Variants in LRRC37A2 observed in about 807,000 individuals in gnomAD.
The protein encoded by LRRC37A2 is leucine-rich repeat-containing protein 37A2.
A neutral mutation model predicts 68.8 loss-of-function variants in LRRC37A2; 9 were observed. That is an observed-to-expected ratio of 0.13 (90% CI 0.08 to 0.23). The LOEUF (loss-of-function observed/expected upper bound fraction) is 0.23. Ranked by LOEUF, LRRC37A2 falls within the 10% of genes least tolerant of loss-of-function variation. LRRC37A2 has a pLI of 1.00. For missense variants in LRRC37A2, 168 were observed against 950.4 expected (o/e 0.18, Z 10.82); for synonymous variants, 63 against 367.6 (o/e 0.17, Z 9.48).
intron 8 of LRRC37A2, among the ~76,000 whole-genome samples, chr17:46,545,030 T>C (rs1035155807): frequency 1.4e-5 from 2 of 139,298 alleles, no homozygotes. Context: ...TTAAGCATTT[T>C]TGGGAAAAAT....
the LRRC37A2 span, among the ~76,000 whole-genome samples, chr17:46,734,555 A>G: frequency 5.3e-5 from 8 of 152,142 alleles, no homozygotes; most frequent in Non-Finnish European, 1.2e-4. Context: ...GTGTGTATAT[A>G]TACATATCTC....
chr17:46,865,306 TC>T, the LRRC37A2 span, among the ~76,000 whole-genome samples: 1 of 152,200 alleles, frequency 6.6e-6, no homozygotes, highest in Non-Finnish European at 1.5e-5. Flanking sequence ...CCTGATGCCA[TC>T]CCCTGCAGGC....
At chr17:46,476,659 G>T in the LRRC37A2 span, 1 of 464,618 alleles carries the variant, frequency 2.2e-6, no homozygotes, top group African/African-American at 2.2e-5. Flanking sequence ...ACTCCAGCCT[G>T]GGAAACAGAG....
the LRRC37A2 span, chr17:46,934,914 C>G: frequency 8.6e-6 from 8 of 929,372 alleles, no homozygotes; most frequent in East Asian, 2.4e-5. Flanking sequence ...TCCGCTGATT[C>G]TTTCACCAGC....
chr17:46,938,783 A>G, the LRRC37A2 span: 42 of 1,613,490 alleles, frequency 2.6e-5, no homozygotes, highest in Non-Finnish European at 3.6e-5. Context: ...CAGTGGCTGA[A>G]CAGCATTCCC....
At chr17:46,800,521 T>TA in the LRRC37A2 span, among the ~76,000 whole-genome samples, 71,919 of 152,082 alleles carry the variant, frequency 0.47, 17,724 homozygotes, top group Middle Eastern at 0.57. Context: ...GGCTGACTCT[T>TA]ACACTGGGAA....
the LRRC37A2 span, among the ~76,000 whole-genome samples, chr17:46,765,283 C>G: frequency 5.3e-5 from 8 of 152,200 alleles, no homozygotes; most frequent in Admixed American, 5.2e-4. Context: ...GTAACAGATC[C>G]AGGACTTGGG....
chr17:46,907,510 C>A, the LRRC37A2 span, among the ~76,000 whole-genome samples: 1 of 151,512 alleles, frequency 6.6e-6, no homozygotes, highest in Non-Finnish European at 1.5e-5. Context: ...TTGGCATAAA[C>A]AACACTTTGG....
the LRRC37A2 span, among the ~76,000 whole-genome samples, chr17:46,842,014 G>T: frequency 1.3e-5 from 2 of 152,198 alleles, no homozygotes; most frequent in Admixed American, 6.5e-5. Context: ...AAGGCTGGCC[G>T]CGGTGGCGCC....
At chr17:46,923,175 G>T in the LRRC37A2 span, 5 of 1,515,236 alleles carry the variant, frequency 3.3e-6, no homozygotes, top group Non-Finnish European at 4.5e-6. Context: ...CGGAGCCGTG[G>T]CCTGCGGGGC....
the LRRC37A2 span, among the ~76,000 whole-genome samples, chr17:46,872,946 G>A: frequency 6.6e-6 from 1 of 152,270 alleles, no homozygotes; most frequent in East Asian, 1.9e-4. Context: ...ATGAGGGGCA[G>A]TTGAAGGCCA....
At chr17:47,008,463 A>ATT in the LRRC37A2 span, among the ~76,000 whole-genome samples, 338 of 134,330 alleles carry the variant, frequency 2.5e-3, 2 homozygotes, top group African/African-American at 5.3e-3. Context: ...ATAGATACTT[A>ATT]TTTTTTTTTT....
the LRRC37A2 span, among the ~76,000 whole-genome samples, chr17:46,971,385 A>G: frequency 6.6e-6 from 1 of 151,696 alleles, no homozygotes; most frequent in South Asian, 2.1e-4. Flanking sequence ...ATAAGGACAC[A>G]CTCCATGGCT....
chr17:46,749,950 A>G, the LRRC37A2 span: 1 of 1,596,366 alleles, frequency 6.3e-7, no homozygotes, highest in South Asian at 1.1e-5. Flanking sequence ...ATAAGAAAGG[A>G]ATTGAGGCTG....
the LRRC37A2 span, among the ~76,000 whole-genome samples, chr17:46,418,236 C>T: frequency 2.4e-4 from 9 of 37,854 alleles, no homozygotes; most frequent in Non-Finnish European, 3.9e-4. Flanking sequence ...TGTGTGTGTG[C>T]GCGCGCGCGT....
the LRRC37A2 span, chr17:46,923,654 T>C: frequency 9.1e-7 from 1 of 1,094,352 alleles, no homozygotes; most frequent in African/African-American, 1.6e-5. Context: ...AAAGTATTTG[T>C]ATTCTTATTC....
chr17:46,548,156 T>G, intron 9 of LRRC37A2, 156 bp from the exon 9 acceptor site: 1 of 166,440 alleles, frequency 6.0e-6, no homozygotes, highest in East Asian at 1.4e-4. Context: ...TTGTTGCCAT[T>G]TCATAGGTTT....
At chr17:46,722,272 C>A in the LRRC37A2 span, 1 of 929,572 alleles carries the variant, frequency 1.1e-6, no homozygotes, top group Non-Finnish European at 1.7e-6. Context: ...TGGGGGGAGT[C>A]TGTAAGATAC....
the LRRC37A2 span, among the ~76,000 whole-genome samples, chr17:46,994,911 C>G: frequency 6.6e-6 from 1 of 152,100 alleles, no homozygotes; most frequent in Non-Finnish European, 1.5e-5. Flanking sequence ...TGCTTGAGTC[C>G]AAGAGTTTGA....
Sources: gnomAD v4.1 joint callset for allele counts (sites outside exome capture counted in the v4.1 genomes callset) on GRCh38, gnomAD v4.1.1 for gene constraint, MANE v1.5 for transcripts, NCBI Gene and HGNC (gene_info 2026-07-23, HGNC 2026-07-21) for gene names.